The following SSBP3 variants were observed in gnomAD, a reference collection of about 807,000 sequenced individuals.
SSBP3 encodes single stranded DNA binding protein 3, also known as single-stranded DNA-binding protein 3.
A neutral mutation model predicts 69.6 loss-of-function variants in SSBP3; 5 were observed. That is an observed-to-expected ratio of 0.07 (90% confidence interval 0.04 to 0.15). SSBP3 has a LOEUF of 0.15. SSBP3 is among the 10% of genes least tolerant of loss of function. The pLI, the probability that SSBP3 is intolerant of heterozygous loss-of-function variation, is 1.00. For missense variants in SSBP3, 312 were observed against 534.0 expected (o/e 0.58, Z 4.10); for synonymous variants, 196 against 193.4 (o/e 1.01, Z -0.11).
At chr1:54,409,843 C>T (rs1352763480), upstream of SSBP3, among the ~76,000 whole-genome samples, 1 of 152,082 alleles carries the variant, frequency 6.6e-6, no homozygotes, top group Non-Finnish European at 1.5e-5. Context: ...GGAGATAAAC[C>T]AGACAAAAAT....
intron 4 of SSBP3, among the ~76,000 whole-genome samples, chr1:54,398,985 G>A (rs1049767149): frequency 4.6e-5 from 7 of 152,262 alleles, no homozygotes; most frequent in South Asian, 2.1e-4. Flanking sequence ...AAGTAGTTAA[G>A]GCAACTAGTT....
At chr1:54,329,131 G>A (rs1201991490) in intron 4 of SSBP3, among the ~76,000 whole-genome samples, 1 of 152,182 alleles carries the variant, frequency 6.6e-6, no homozygotes, top group Non-Finnish European at 1.5e-5. Context: ...TGGAAGGAAG[G>A]GGGTTTGAGT....
At chr1:54,345,532 C>T (rs1242379115) in intron 4 of SSBP3, among the ~76,000 whole-genome samples, 1 of 152,150 alleles carries the variant, frequency 6.6e-6, no homozygotes, top group Non-Finnish European at 1.5e-5. Context: ...AGTAATAGGG[C>T]AGAAAAGAAA....
upstream of SSBP3, among the ~76,000 whole-genome samples, chr1:54,407,803 A>G (rs1649883223): frequency 7.1e-6 from 1 of 141,470 alleles, no homozygotes; most frequent in Non-Finnish European, 1.5e-5. Flanking sequence ...ATAAACAAGT[A>G]ACGCCCCTCC....
At chr1:54,259,718 G>A (rs774408801) in intron 5 of SSBP3, among the ~76,000 whole-genome samples, 2 of 152,242 alleles carry the variant, frequency 1.3e-5, no homozygotes, top group African/African-American at 2.4e-5. Flanking sequence ...GAGAAGAGGT[G>A]TGCAGAGAAC....
chr1:54,324,098 C>T (rs550036378), intron 4 of SSBP3, among the ~76,000 whole-genome samples: 1 of 152,312 alleles, frequency 6.6e-6, no homozygotes, highest in East Asian at 1.9e-4. Flanking sequence ...GTGTTGCCTG[C>T]GTTCCTGAGG....
chr1:54,396,428 AT>A (rs1320544066), intron 4 of SSBP3, among the ~76,000 whole-genome samples: 1 of 152,118 alleles, frequency 6.6e-6, no homozygotes, highest in Non-Finnish European at 1.5e-5. Flanking sequence ...CTAGTGCCAC[AT>A]TTCTGTTATC....
chr1:54,270,187 G>A (rs995301544), intron 5 of SSBP3, among the ~76,000 whole-genome samples: 6 of 152,142 alleles, frequency 3.9e-5, no homozygotes, highest in African/African-American at 7.2e-5. Flanking sequence ...GGTGGGGAAC[G>A]CAAACTCAAA....
chr1:54,260,274 G>C (rs986762301), intron 5 of SSBP3, among the ~76,000 whole-genome samples: 1 of 152,250 alleles, frequency 6.6e-6, no homozygotes, highest in African/African-American at 2.4e-5. Context: ...CCTTCTGTTG[G>C]TTCCTCGGCT....
chr1:54,306,233 A>C (rs1645899133), intron 4 of SSBP3, among the ~76,000 whole-genome samples: 1 of 152,154 alleles, frequency 6.6e-6, no homozygotes, highest in African/African-American at 2.4e-5. Flanking sequence ...GAGTGAGTGG[A>C]TATTACACAC....
At chr1:54,365,314 C>T (rs915268851) in intron 4 of SSBP3, among the ~76,000 whole-genome samples, 1 of 152,082 alleles carries the variant, frequency 6.6e-6, no homozygotes, top group Admixed American at 6.5e-5. Context: ...CATGCTCTAT[C>T]GTGTCACCAA....
At chr1:54,329,850 T>A (rs1646377039) in intron 4 of SSBP3, among the ~76,000 whole-genome samples, 1 of 152,102 alleles carries the variant, frequency 6.6e-6, no homozygotes, top group African/African-American at 2.4e-5. Context: ...ACCCCACAAT[T>A]CATCTTGGGC....
Position 54,258,002 on chromosome 1 carries a change from T to C in SSBP3, c.447+67A>G. On this transcript the variant is annotated intron_variant, in intron 6 of 17. Transcript: ENST00000610401. This position sits in a 1 kb window ranked among gnomAD's most constrained non-coding sequence, Gnocchi z 4.5. ...AGCACATTTTGATTTTTGTTTTTCC[T>C]CTGCGGGCTCTCTGCTTCCTCCGCG... is the stretch of plus-strand genomic sequence containing the variant. 2.0e-6 allele frequency: 3 copies of C among 1,469,298 alleles called. No homozygotes were observed. In the South Asian group the frequency reaches 3.8e-5, roughly 19 times the overall value. The allele number at this position is 1,469,298 out of a possible 1,614,324, so 91.0% of individuals were successfully genotyped here.
intron 9 of SSBP3, 51 bp from the exon 10 acceptor site, chr1:54,243,350 G>T (rs763858525): frequency 1.3e-5 from 20 of 1,598,806 alleles, no homozygotes; most frequent in Non-Finnish European, 1.7e-5. Context: ...ACCGGAGACA[G>T]GAGGAGGGAG....
intron 4 of SSBP3, among the ~76,000 whole-genome samples, chr1:54,293,303 AG>A (rs1403792156): frequency 6.6e-6 from 1 of 151,964 alleles, no homozygotes; most frequent in Admixed American, 6.6e-5. Flanking sequence ...GGGGCCTGGG[AG>A]GATCGGAGGC....
At chr1:54,313,440 T>C (rs1404460194) in intron 4 of SSBP3, among the ~76,000 whole-genome samples, 1 of 144,758 alleles carries the variant, frequency 6.9e-6, no homozygotes, top group Non-Finnish European at 1.5e-5. Context: ...CTGTGCTTTT[T>C]TTTTTTTTTT....
intron 4 of SSBP3, among the ~76,000 whole-genome samples, chr1:54,392,838 A>T (rs1274804496): frequency 6.6e-6 from 1 of 152,238 alleles, no homozygotes. Flanking sequence ...ACACAACCTT[A>T]ACTGAAATAA....
chr1:54,405,069 C>A, intron 1 of SSBP3, 139 bp from the exon 2 acceptor site: 2 of 750,318 alleles, frequency 2.7e-6, no homozygotes, highest in Non-Finnish European at 4.6e-6. Flanking sequence ...GCAGCTAGCT[C>A]ACCCCAAACA....
chr1:54,254,993 T>C (rs1231936355), intron 7 of SSBP3, among the ~76,000 whole-genome samples: 1 of 152,086 alleles, frequency 6.6e-6, no homozygotes, highest in Non-Finnish European at 1.5e-5. Flanking sequence ...CCAGCATGCC[T>C]GGCTAATTTT....
Sources: allele counts gnomAD v4.1 joint callset (sites outside exome capture counted in the v4.1 genomes callset), GRCh38; gene constraint gnomAD v4.1.1; non-coding constraint Gnocchi (gnomAD v3.1); transcripts MANE v1.5; gene names NCBI Gene and HGNC (gene_info 2026-07-23, HGNC 2026-07-21).